Variants in NAV2 observed in about 807,000 individuals in gnomAD.
NAV2 encodes helicase, APC down-regulated 1.
NAV2 carries 54 observed loss-of-function variants against 223.2 expected under a neutral mutation model. The observed-to-expected ratio is 0.24, with a 90% CI of 0.19 to 0.30. The LOEUF (loss-of-function observed/expected upper bound fraction) is 0.30, where lower values mean the gene tolerates loss of function less well. Among genes scored for constraint, NAV2 ranks in the 10% least tolerant of loss-of-function variants. The pLI is 1.00. For missense variants in NAV2, 2,806 were observed against 3,147.5 expected, an observed-to-expected ratio of 0.89 and a Z score of 2.60; for synonymous variants, 1,279 against 1,239.3, an observed-to-expected ratio of 1.03 and a Z score of -0.67.
chr11:19,472,108 T>G (rs1310679426), intron 1 of NAV2, among the ~76,000 whole-genome samples: 1 of 152,250 alleles, frequency 6.6e-6, no homozygotes, highest in Non-Finnish European at 1.5e-5. Context: ...CTTTCTTCTC[T>G]GGGTCTCAGT....
chr11:19,474,707 A>T (rs986036570), intron 1 of NAV2, among the ~76,000 whole-genome samples: 1 of 152,224 alleles, frequency 6.6e-6, no homozygotes, highest in Non-Finnish European at 1.5e-5. Flanking sequence ...AAAAAAGAAA[A>T]ATAGAAATCC....
intron 11 of NAV2, among the ~76,000 whole-genome samples, chr11:20,035,647 A>T (rs147876253): frequency 6.6e-6 from 1 of 152,188 alleles, no homozygotes; most frequent in South Asian, 2.1e-4. Context: ...CTGGGAAGGA[A>T]CAAATTGGTT....
chr11:19,831,233 G>C (rs1458994171), intron 1 of NAV2, among the ~76,000 whole-genome samples: 2 of 114,098 alleles, frequency 1.8e-5, no homozygotes, highest in Non-Finnish European at 3.7e-5. Context: ...CGGGGGGGGG[G>C]GGGGCGCGAT....
chr11:19,838,160 T>A (rs78599157), intron 2 of NAV2, among the ~76,000 whole-genome samples: 1,978 of 152,258 alleles, frequency 0.013, 40 homozygotes, highest in African/African-American at 0.045. Context: ...AAAGAAAACA[T>A]ATCTAAATGA....
rs559531883 is a variant in NAV2 at position 19,948,897 on chromosome 11, A to T, written c.2462A>T (p.Tyr821Phe). Residue 821 changes from tyrosine to phenylalanine, a missense_variant, in exon 10 of 38, where the codon TAT becomes TTT. Physicochemically the swap from Tyr to Phe is conservative, Grantham distance 22 (BLOSUM62 3). Around this residue, in one of 4 missense-constraint regions of NAV2, gnomAD observed 1,167 missense variants for 1,180.5 expected, o/e 0.99. Transcript: ENST00000349880. ...SRFINTESGRYVYSAPLRRQL... is the reference protein window; with the variant it reads ...SRFINTESGRFVYSAPLRRQL... ...TTCATCAACACTGAGTCAGGTCGCT[A>T]TGTGTACTCCGCCCCTCTGAGAAGG... 7 of 1,613,906 alleles carry T rather than the reference A, an allele frequency of 4.3e-6. No individual in the cohort carries two copies. Among genetic ancestry groups the T allele is most frequent in the Non-Finnish European group, 5.9e-6 (7 of 1,179,988 alleles).
chr11:19,907,131 C>G, intron 6 of NAV2, among the ~76,000 whole-genome samples: 1 of 152,152 alleles, frequency 6.6e-6, no homozygotes, highest in African/African-American at 2.4e-5. Context: ...AGAAAAATAC[C>G]CTAAATTGTG....
At chr11:19,516,640 C>T (rs2134278989) in intron 1 of NAV2, among the ~76,000 whole-genome samples, 1 of 152,166 alleles carries the variant, frequency 6.6e-6, no homozygotes, top group East Asian at 1.9e-4. Context: ...AATGCACTTG[C>T]AATTTTGGCT....
chr11:19,449,265 C>G (rs1413749638), intron 1 of NAV2, among the ~76,000 whole-genome samples: 1 of 152,046 alleles, frequency 6.6e-6, no homozygotes, highest in Non-Finnish European at 1.5e-5. Context: ...GAAACACTCC[C>G]CAAGAGAAGA....
chr11:19,930,649 C>G (rs1470251233), intron 6 of NAV2, among the ~76,000 whole-genome samples: 3 of 152,132 alleles, frequency 2.0e-5, no homozygotes. Context: ...TCCCAAGTAC[C>G]TAAAACAGTA....
chr11:20,049,657 T>A (rs1382984243), intron 15 of NAV2, among the ~76,000 whole-genome samples, 179 bp from the exon 16 acceptor site: 3 of 151,974 alleles, frequency 2.0e-5, no homozygotes, highest in Admixed American at 6.6e-5. Flanking sequence ...AATCAAGAAA[T>A]TAAAAGTGTT....
intron 1 of NAV2, among the ~76,000 whole-genome samples, chr11:19,569,033 T>C (rs2045352190): frequency 6.6e-6 from 1 of 152,226 alleles, no homozygotes; most frequent in African/African-American, 2.4e-5. Context: ...GTCAAATGGA[T>C]CCAGCTTCTG....
chr11:20,110,844 A>T (rs559551625), intron 36 of NAV2, among the ~76,000 whole-genome samples: 82 of 152,298 alleles, frequency 5.4e-4, no homozygotes, highest in African/African-American at 1.8e-3. Flanking sequence ...AAGTGAGCAC[A>T]TTGCAGTTCA....
intron 1 of NAV2, among the ~76,000 whole-genome samples, chr11:19,790,041 C>G (rs193106487): frequency 1.3e-4 from 20 of 152,252 alleles, no homozygotes; most frequent in Admixed American, 1.2e-3. Context: ...CCTCTCTTTG[C>G]CAAGGGGGAA....
At chr11:19,635,893 G>A (rs1565124124) in intron 1 of NAV2, among the ~76,000 whole-genome samples, 1 of 152,338 alleles carries the variant, frequency 6.6e-6, no homozygotes, top group East Asian at 1.9e-4. Flanking sequence ...TTAAGGATAG[G>A]TGAGCAGAGG....
chr11:19,564,127 G>T (rs1028627681), intron 1 of NAV2, among the ~76,000 whole-genome samples: 1 of 152,176 alleles, frequency 6.6e-6, no homozygotes, highest in African/African-American at 2.4e-5. Context: ...AAGATGAGCG[G>T]CTGTGAGAAG....
At chr11:19,984,364 G>C (rs1420807247) in intron 11 of NAV2, 117 bp downstream of exon 11, 3 of 1,497,948 alleles carry the variant, frequency 2.0e-6, no homozygotes, top group Non-Finnish European at 2.7e-6. Context: ...AGAGAGGGAG[G>C]GGAGGCCTGG....
chr11:19,797,632 G>C (rs926894106), intron 1 of NAV2, among the ~76,000 whole-genome samples: 10 of 152,200 alleles, frequency 6.6e-5, no homozygotes, highest in African/African-American at 2.4e-4. Flanking sequence ...TGTGGACACA[G>C]ACAATGAGAT....
chr11:20,003,426 T>A (rs111960447), intron 11 of NAV2, among the ~76,000 whole-genome samples: 1,748 of 152,226 alleles, frequency 0.011, 37 homozygotes, highest in African/African-American at 0.04. Context: ...AGCAAGCAAG[T>A]GACTAGAAAC....
chr11:19,351,264 G>T (rs1427037103), intron 1 of NAV2, among the ~76,000 whole-genome samples: 1 of 152,214 alleles, frequency 6.6e-6, no homozygotes, highest in Admixed American at 6.5e-5. Context: ...AAAAGGCAAA[G>T]ATTTATAAGC....
Sources: allele counts gnomAD v4.1 joint callset (sites outside exome capture counted in the v4.1 genomes callset), GRCh38; gene constraint gnomAD v4.1.1; regional missense constraint gnomAD v4.1.1; transcripts MANE v1.5; gene names NCBI Gene and HGNC (gene_info 2026-07-23, HGNC 2026-07-21).